DNAI2: variants seen among roughly 807,000 people sequenced by gnomAD.
DNAI2 encodes dynein, axonemal, intermediate polypeptide 2.
Under a neutral mutation model 74.7 loss-of-function variants are expected in DNAI2, and 63 were observed. The observed-to-expected ratio is 0.84, with a 90% CI of 0.69 to 1.04. The LOEUF is 1.04. Ranked by LOEUF, DNAI2 falls within the 50% of genes least tolerant of loss-of-function variation. The pLI is 0.00. For missense variants in DNAI2, 688 were observed against 803.2 expected (o/e 0.86, Z 1.73); for synonymous variants, 289 against 314.9 (o/e 0.92, Z 0.87).
Position 74,305,437 on chromosome 17 carries a change from G to A in DNAI2, c.1206G>A (p.Trp402Ter), listed in dbSNP as rs770479962. ...SEDSRESSIM[W>*]TKYHMAYLTD... ...ACAGCCGGGAATCGTCCATCATGTG[G>A]ACCAAGTAAGAGGCGATGCTGGGGA... The change falls in exon 9 of 14, where the codon TGG (tryptophan) becomes TGA (stop). Residue 402 changes from tryptophan to a stop codon, truncating the protein, a stop_gained. Coordinates refer to ENST00000311014, the MANE Select transcript of DNAI2 (RefSeq NM_023036.6). LOFTEE classifies it high-confidence loss of function. The A allele has an allele frequency of 6.2e-7, 1 of 1,614,016 alleles. No homozygotes were observed. Among genetic ancestry groups the A allele is most frequent in the South Asian group, 1.1e-5 (1 of 91,018 alleles).
At chr17:74,301,910 A>G (rs9910602) in intron 8 of DNAI2, among the ~76,000 whole-genome samples, 925 of 4,396 alleles carry the variant, frequency 0.21, 17 homozygotes, top group East Asian at 0.24. Context: ...AAGGAAGGAA[A>G]GAAGGAAGGA....
At chr17:74,298,854 G>A (rs1423981467) in intron 6 of DNAI2, among the ~76,000 whole-genome samples, 1 of 152,080 alleles carries the variant, frequency 6.6e-6, no homozygotes, top group Non-Finnish European at 1.5e-5. Flanking sequence ...GGATTCCTGG[G>A]CTCAAGCAAT....
At chr17:74,311,495 C>T (rs2053525619) in intron 11 of DNAI2, among the ~76,000 whole-genome samples, 1 of 152,212 alleles carries the variant, frequency 6.6e-6, no homozygotes, top group Admixed American at 6.5e-5. Flanking sequence ...TGCCTGTAAT[C>T]CCAGCTCCTT....
chr17:74,289,701 T>G lies in DNAI2; in HGVS notation c.575T>G (p.Val192Gly). 6.2e-7 allele frequency: 1 copy of G among 1,613,918 alleles called. No individual in the cohort carries two copies. The highest frequency in any genetic ancestry group is 8.5e-7 in the Non-Finnish European group (1 of 1,179,988). ...TGCTTGGATTTTCAGCGGGCACCTGTGGGCATGAGCAGCGATTCATACATC... is the reference window on the plus strand; with the variant it reads ...TGCTTGGATTTTCAGCGGGCACCTGGGGGCATGAGCAGCGATTCATACATC... Reference protein sequence around the residue: ...YSCLDFQRAPVGMSSDSYIWD... With the variant: ...YSCLDFQRAPGGMSSDSYIWD... The change falls in exon 5 of 14, where the codon GTG (valine) becomes GGG (glycine). Residue 192 changes from valine (V) to glycine (G), a missense_variant. Transcript: ENST00000311014.
intron 1 of DNAI2, among the ~76,000 whole-genome samples, chr17:74,278,497 G>A (rs2051213915): frequency 1.3e-5 from 2 of 152,188 alleles, no homozygotes; most frequent in South Asian, 2.1e-4. Context: ...CAGGAAGCAC[G>A]CCTGGAAACT....
intron 9 of DNAI2, among the ~76,000 whole-genome samples, chr17:74,307,781 C>T (rs1384534271): frequency 6.6e-6 from 1 of 150,788 alleles, no homozygotes; most frequent in Non-Finnish European, 1.5e-5. Context: ...AAAAATTATT[C>T]ATTGTCCAAA....
chr17:74,294,919 A>G (rs1325300723), intron 6 of DNAI2, among the ~76,000 whole-genome samples: 1 of 151,808 alleles, frequency 6.6e-6, no homozygotes, highest in South Asian at 2.1e-4. Context: ...ATAGGTCTTT[A>G]GACTCTGTTT....
intron 9 of DNAI2, among the ~76,000 whole-genome samples, chr17:74,305,704 G>T (rs1304303494): frequency 8.3e-6 from 1 of 120,682 alleles, no homozygotes; most frequent in East Asian, 2.3e-4. Flanking sequence ...AGACAGTCTC[G>T]CTTAGTTCCC....
chr17:74,296,559 C>T (rs1319575005), intron 6 of DNAI2, among the ~76,000 whole-genome samples: 1 of 152,118 alleles, frequency 6.6e-6, no homozygotes, highest in Non-Finnish European at 1.5e-5. Context: ...TATTCCTTTC[C>T]CCACCTGTTA....
At chr17:74,274,696 C>A (rs1311865027) in intron 1 of DNAI2, among the ~76,000 whole-genome samples, 1 of 152,162 alleles carries the variant, frequency 6.6e-6, no homozygotes, top group Non-Finnish European at 1.5e-5. Context: ...AGAAGAAAAA[C>A]AGCCTCCGGC....
chr17:74,281,576 C>T (rs2051388116), intron 1 of DNAI2: 1 of 597,764 alleles, frequency 1.7e-6, no homozygotes, highest in Non-Finnish European at 3.0e-6. Context: ...TATTGCCCTC[C>T]TCAGAGAGCA....
intron 11 of DNAI2, among the ~76,000 whole-genome samples, chr17:74,311,181 TTAGTAGAATGCTA>T (rs2053500651): frequency 6.6e-6 from 1 of 152,108 alleles, no homozygotes; most frequent in African/African-American, 2.4e-5. Context: ...GCCTGAAGAC[TTAGTAGAATGCTA>T]ATAGGGAAGC....
rs117932646 is a variant in DNAI2 at position 74,312,168 on chromosome 17, G to A, written c.1660G>A (p.Asp554Asn). 1.6e-3 allele frequency: 2,378 copies of A among 1,533,352 alleles called. 23 individuals are homozygous for A. In the East Asian group the frequency reaches 0.027, roughly 18 times the overall value. The allele number at this position is 1,533,352 out of a possible 1,614,324, so 95.0% of individuals were successfully genotyped here. A position where few individuals can be genotyped will look rare whatever the true frequency, so the allele number is the denominator to read the frequency against. The change falls in exon 12 of 14, where the codon GAC (aspartate) becomes AAC (asparagine). Residue 554 changes from aspartate (D) to asparagine (N), a missense_variant. Physicochemically the swap from Asp to Asn is conservative, Grantham distance 23. Coordinates refer to ENST00000311014, the MANE Select transcript of DNAI2 (RefSeq NM_023036.6). Reference sequence around the variant, plus strand: ...CAGCAAGGCCGAGGAGGAGTTCTTCGACATCATCTTCGCAGAGCTGAAGAA... The same window carrying A: ...CAGCAAGGCCGAGGAGGAGTTCTTCAACATCATCTTCGCAGAGCTGAAGAA... The part of the protein sequence containing the change: ...LVSKAEEEFF[D>N]IIFAELKKKE...
At chr17:74,296,357 G>GAGAA (rs2052439729) in intron 6 of DNAI2, among the ~76,000 whole-genome samples, 14 of 108,908 alleles carry the variant, frequency 1.3e-4, no homozygotes, top group South Asian at 3.2e-4. Context: ...GAGAGAGAGA[G>GAGAA]GAAGGGGGAA....
At position 74,314,158 on chromosome 17, in the gene DNAI2, A is replaced by G; in HGVS notation, c.1760A>G (p.Glu587Gly). 6.2e-7 allele frequency: 1 copy of G among 1,614,158 alleles called. No individual in the cohort carries two copies. Among genetic ancestry groups the G allele is most frequent in the Non-Finnish European group, 8.5e-7 (1 of 1,179,990 alleles). ...CCAGAAGAAGACCAGGTGGTGGAGG[A>G]GGGAGAGGAAGCAGCGGGGGAAGAA... ...PSPEEDQVVE[E>G]GEEAAGEEGD... The change falls in exon 13 of 14, where the codon GAG (glutamate) becomes GGG (glycine). Residue 587 changes from glutamate to glycine, a missense_variant. Glu to Gly is a moderately conservative substitution (Grantham distance 98, BLOSUM62 -2). Coordinates refer to ENST00000311014, the MANE Select transcript of DNAI2 (RefSeq NM_023036.6).
At chr17:74,290,180 A>T (rs1480909116) in intron 5 of DNAI2, among the ~76,000 whole-genome samples, 3 of 152,114 alleles carry the variant, frequency 2.0e-5, no homozygotes, top group Non-Finnish European at 2.9e-5. Context: ...GTTGTGCTTG[A>T]TGGTGGGTGC....
In DNAI2 at chr17:74,289,660, G is replaced by A; in HGVS notation, c.534G>A (p.Leu178=). Residue 178 remains leucine, a synonymous_variant, in exon 5 of 14, where the codon TTG becomes TTA. Coordinates refer to ENST00000311014, the MANE Select transcript of DNAI2 (RefSeq NM_023036.6). ...LSWHPDGNRK[L]AVAYSCLDFQ... ...GGCACCCCGATGGCAACAGGAAGTT[G>A]GCAGTGGCATACTCCTGCTTGGATT... is the stretch of plus-strand genomic sequence containing the variant. The A allele has an allele frequency of 6.2e-7, 1 of 1,614,136 alleles. No individual in the cohort carries two copies. Among genetic ancestry groups the A allele is most frequent in the South Asian group, 1.1e-5 (1 of 91,078 alleles).
At position 74,305,356 on chromosome 17, in the gene DNAI2, C is replaced by CT. The variant is rs1367242983; in HGVS notation, c.1126dup (p.Tyr376LeufsTer18). On this transcript the variant is annotated frameshift_variant, in exon 9 of 14. Coordinates refer to ENST00000311014, the MANE Select transcript of DNAI2 (RefSeq NM_023036.6). LOFTEE classifies it high-confidence loss of function. ...TCTACGCCCTCCAGAGAAACCCCTT[C>CT]TACCCGAAGAACTTCCTGACGGTTG... is the stretch of plus-strand genomic sequence containing the variant. The CT allele has an allele frequency of 1.9e-6, 3 of 1,614,086 alleles. No individual in the cohort carries two copies. Among genetic ancestry groups the CT allele is most frequent in the Non-Finnish European group, 1.7e-6 (2 of 1,180,048 alleles).
In DNAI2 at chr17:74,301,156, C is replaced by G. The variant is rs1217838487; in HGVS notation, c.975C>G (p.Phe325Leu). The part of the protein sequence containing the change: ...ENALGAISLE[F>L]ESTLPTKFMV... ...CCTTGGGGGCCATCTCCCTGGAGTTCGAATCTACTTTGGTGAGTGTCCCTT... is the reference window on the plus strand; with the variant it reads ...CCTTGGGGGCCATCTCCCTGGAGTTGGAATCTACTTTGGTGAGTGTCCCTT... The change falls in exon 8 of 14, where the codon TTC (phenylalanine) becomes TTG (leucine). Residue 325 changes from phenylalanine to leucine, a missense_variant. Physicochemically the swap from Phe to Leu is conservative, Grantham distance 22 (BLOSUM62 0). Coordinates refer to ENST00000311014, the MANE Select transcript of DNAI2 (RefSeq NM_023036.6). 1.2e-6 allele frequency: 2 copies of G among 1,613,718 alleles called. No individual in the cohort carries two copies. Among genetic ancestry groups the G allele is most frequent in the African/African-American group, 1.3e-5 (1 of 74,906 alleles).
Sources: allele counts gnomAD v4.1 joint callset (sites outside exome capture counted in the v4.1 genomes callset), GRCh38; gene constraint gnomAD v4.1.1; transcripts MANE v1.5; gene names NCBI Gene and HGNC (gene_info 2026-07-23, HGNC 2026-07-21).